The following ZFPM2 variants were observed in gnomAD, a reference collection of about 807,000 sequenced individuals.
ZFPM2 encodes zinc finger protein ZFPM2.
A neutral mutation model predicts 98.6 loss-of-function variants in ZFPM2; 20 were observed. That is an observed-to-expected ratio of 0.20 (90% CI 0.14 to 0.29). The LOEUF is 0.29. ZFPM2 is among the 10% of genes least tolerant of loss of function. The pLI is 1.00. For synonymous variants in ZFPM2, 518 were observed against 502.7 expected, an observed-to-expected ratio of 1.03 and a Z score of -0.41; for missense variants, 1,310 against 1,388.6, an observed-to-expected ratio of 0.94 and a Z score of 0.90.
chr8:105,376,746 T>C (rs1810731625), intron 1 of ZFPM2, among the ~76,000 whole-genome samples: 1 of 152,228 alleles, frequency 6.6e-6, no homozygotes, highest in Non-Finnish European at 1.5e-5. Context: ...CATCTATTTC[T>C]GTCCAGTTTT....
intron 1 of ZFPM2, among the ~76,000 whole-genome samples, chr8:105,382,773 C>T (rs903991334): frequency 6.6e-6 from 1 of 151,942 alleles, no homozygotes; most frequent in African/African-American, 2.4e-5. Context: ...GGGTAGTTCC[C>T]CTAAAACCTG....
At chr8:105,721,501 T>C (rs1040448054) in intron 5 of ZFPM2, among the ~76,000 whole-genome samples, 21 of 151,944 alleles carry the variant, frequency 1.4e-4, no homozygotes, top group Non-Finnish European at 2.4e-4. Context: ...ATTATATTAA[T>C]ATCAAATCAC....
chr8:105,534,010 TCCTC>T lies in ZFPM2; in HGVS notation c.302-27349_302-27346del, dbSNP rs1295772771. Among the ~76,000 whole-genome samples, 163 of 20,474 alleles carry T rather than the reference TCCTC, an allele frequency of 8.0e-3. 4 individuals are homozygous for T. The highest frequency in any genetic ancestry group is 0.024 in the African/African-American group (61 of 2,538). The allele number at this position is 20,474 out of a possible 152,430, so 13.4% of individuals were successfully genotyped here. ...TTCCCTCCCTCTCTCCTTCCTTCCT[TCCTC>T]CCTTCTTCCCTTCCTCCCTCCCTCC... On this transcript the variant is annotated intron_variant, in intron 3 of 7. Coordinates refer to ENST00000407775, the MANE Select transcript of ZFPM2 (RefSeq NM_012082.4).
chr8:105,640,823 A>G lies in ZFPM2; in HGVS notation c.532+6466A>G, dbSNP rs1308170655. Among the ~76,000 whole-genome samples, 4 of 152,178 alleles carry G rather than the reference A, an allele frequency of 2.6e-5. No individual in the cohort carries two copies. The East Asian group carries it at 7.7e-4, about 29-fold the overall frequency. ...TGTTTAACTTTACCTAGAGGGTATA[A>G]TGTTGTATAAATAATAAACTAATTT... On this transcript the variant is annotated intron_variant, in intron 5 of 7. Coordinates refer to ENST00000407775, the MANE Select transcript of ZFPM2 (RefSeq NM_012082.4).
At position 105,442,715 on chromosome 8, in the gene ZFPM2, C is replaced by G. The variant is rs183549291; in HGVS notation, c.200-1565C>G. Among the ~76,000 whole-genome samples the G allele has an allele frequency of 6.6e-4, 100 of 152,266 alleles. 1 individual carries two copies. The East Asian group carries it at 0.018, about 27-fold the overall frequency. ...GATCCTGGGTTTCTACATTCCTACT[C>G]CTTACCTTTATTACAGATTTTAAGT... is the stretch of plus-strand genomic sequence containing the variant. On this transcript the variant is annotated intron_variant, in intron 2 of 7. Transcript: ENST00000407775.
chr8:105,667,171 A>G (rs1817504744), intron 5 of ZFPM2, among the ~76,000 whole-genome samples: 1 of 152,234 alleles, frequency 6.6e-6, no homozygotes, highest in East Asian at 1.9e-4. Flanking sequence ...GTCATTACTT[A>G]AAGCCAATGA....
chr8:105,366,136 T>A (rs1163061907), intron 1 of ZFPM2, among the ~76,000 whole-genome samples: 1 of 152,180 alleles, frequency 6.6e-6, no homozygotes, highest in African/African-American at 2.4e-5. Context: ...TAATTCCGAA[T>A]GCAGAATGAC....
intron 4 of ZFPM2, among the ~76,000 whole-genome samples, chr8:105,562,080 T>A (rs1586464548): frequency 6.6e-6 from 1 of 151,768 alleles, no homozygotes; most frequent in Non-Finnish European, 1.5e-5. Context: ...CTGAGGCAGG[T>A]GGATCACTTG....
rs564473361 is a variant in ZFPM2 at position 105,411,053 on chromosome 8, A to T, written c.41-8091A>T. Among the ~76,000 whole-genome samples, 203 of 152,006 alleles carry T rather than the reference A, an allele frequency of 1.3e-3. 2 individuals carry two copies. In the South Asian group the frequency reaches 0.016, roughly 12 times the overall value. On this transcript the variant is annotated intron_variant, in intron 1 of 7. Coordinates refer to ENST00000407775, the MANE Select transcript of ZFPM2 (RefSeq NM_012082.4). ...GATAAACTTTCTCCAACGATAGTAA[A>T]AATAATAATAATTTGACACTGTGTC...
At chr8:105,378,932 T>G (rs1208675073) in intron 1 of ZFPM2, among the ~76,000 whole-genome samples, 2 of 152,108 alleles carry the variant, frequency 1.3e-5, no homozygotes, top group Non-Finnish European at 2.9e-5. Flanking sequence ...GATAGGCAGA[T>G]GGAGTATATT....
intron 5 of ZFPM2, among the ~76,000 whole-genome samples, chr8:105,726,924 T>C (rs1305593393): frequency 6.6e-6 from 1 of 151,492 alleles, no homozygotes; most frequent in Non-Finnish European, 1.5e-5. Context: ...GCGAAGAGTA[T>C]GGAAAATAGA....
rs1177751078 is a variant in ZFPM2, at chr8:105,632,945, A to G, written c.421-1301A>G. On this transcript the variant is annotated intron_variant, in intron 4 of 7. Coordinates refer to ENST00000407775, the MANE Select transcript of ZFPM2 (RefSeq NM_012082.4). ...TAAATCCATCATGGTTGATTTTTCCATTAAACAGTATATTTTATAGTAGTT... is the reference window on the plus strand; with the variant it reads ...TAAATCCATCATGGTTGATTTTTCCGTTAAACAGTATATTTTATAGTAGTT... 4.6e-5 allele frequency among the ~76,000 whole-genome samples: 7 copies of G among 152,230 alleles called. No individual in the cohort carries two copies. In the South Asian group the frequency reaches 6.2e-4, roughly 14 times the overall value.
intron 1 of ZFPM2, among the ~76,000 whole-genome samples, chr8:105,396,880 C>T (rs1211215887): frequency 6.6e-6 from 1 of 152,120 alleles, no homozygotes; most frequent in Admixed American, 6.6e-5. Flanking sequence ...GCTCTGTGTT[C>T]AGTAATTTGT....
chr8:105,419,298 C>T lies in ZFPM2; in HGVS notation c.195C>T (p.Asn65=). 3 of 1,613,040 alleles carry T rather than the reference C, an allele frequency of 1.9e-6. No homozygotes were observed. Among genetic ancestry groups the T allele is most frequent in the Middle Eastern group, 1.7e-4 (1 of 6,060 alleles). ...GCGAAGAAGTGGAATACTTTTGTAA[C>T]AAAGGTAATTGTTGATGGTTGGATG... is the stretch of plus-strand genomic sequence containing the variant. The part of the protein sequence containing the change: ...LSCEEVEYFC[N]KGDDEGIQET... Residue 65 remains asparagine, a synonymous_variant, in exon 2 of 8, where the codon AAC becomes AAT. Coordinates refer to ENST00000407775, the MANE Select transcript of ZFPM2 (RefSeq NM_012082.4).
At chr8:105,771,687 G>A (rs543618451) in intron 5 of ZFPM2, among the ~76,000 whole-genome samples, 15 of 152,186 alleles carry the variant, frequency 9.9e-5, no homozygotes, top group South Asian at 8.3e-4. Context: ...CTGCAACAGC[G>A]TTGGCAGAAA....
intron 5 of ZFPM2, among the ~76,000 whole-genome samples, chr8:105,744,556 G>T (rs2131039620): frequency 6.6e-6 from 1 of 152,178 alleles, no homozygotes; most frequent in Non-Finnish European, 1.5e-5. Flanking sequence ...GTCCACCATA[G>T]GAAAAATGAG....
chr8:105,519,279 C>T (rs958519284), intron 3 of ZFPM2, among the ~76,000 whole-genome samples: 1 of 151,900 alleles, frequency 6.6e-6, no homozygotes, highest in Non-Finnish European at 1.5e-5. Context: ...AAAGTTCATA[C>T]CTGAAATTTT....
At chr8:105,664,494 C>A (rs1396493158) in intron 5 of ZFPM2, among the ~76,000 whole-genome samples, 2 of 152,214 alleles carry the variant, frequency 1.3e-5, no homozygotes, top group African/African-American at 4.8e-5. Flanking sequence ...GCCACCATTC[C>A]TGGCTAATTT....
At chr8:105,586,847 T>TA (rs1462771493) in intron 4 of ZFPM2, among the ~76,000 whole-genome samples, 168 of 135,770 alleles carry the variant, frequency 1.2e-3, no homozygotes, top group Non-Finnish European at 1.9e-3. Context: ...ATATAAATAT[T>TA]TTATATATAT....
Sources: gnomAD v4.1 joint callset for allele counts (sites outside exome capture counted in the v4.1 genomes callset) on GRCh38, gnomAD v4.1.1 for gene constraint, MANE v1.5 for transcripts, NCBI Gene and HGNC (gene_info 2026-07-23, HGNC 2026-07-21) for gene names.